Variants in RDX observed in about 807,000 individuals in gnomAD.
The protein encoded by RDX is deafness, autosomal recessive 24.
A neutral mutation model predicts 83.7 loss-of-function variants in RDX; 32 were observed. The observed-to-expected ratio is 0.38, with a 90% confidence interval of 0.29 to 0.51. The LOEUF (loss-of-function observed/expected upper bound fraction) is 0.51. RDX is among the 20% of genes least tolerant of loss of function. The pLI is 0.87. For missense variants in RDX, 600 were observed against 689.9 expected, an observed-to-expected ratio of 0.87 and a Z score of 1.46; for synonymous variants, 229 against 222.7, an observed-to-expected ratio of 1.03 and a Z score of -0.25.
chr11:110,227,051 T>C (rs1257319356), downstream of RDX, among the ~76,000 whole-genome samples: 2 of 152,094 alleles, frequency 1.3e-5, no homozygotes, highest in African/African-American at 4.8e-5. Context: ...AGAATTCAAA[T>C]GCTAGACTTG....
Position 110,233,453 on chromosome 11 carries a change from T to A in RDX, c.1371A>T (p.Glu457Asp). The A allele has an allele frequency of 6.2e-7, 1 of 1,614,136 alleles. No individual in the cohort carries two copies. The highest frequency in any genetic ancestry group is 8.5e-7 in the Non-Finnish European group (1 of 1,180,020). Reference protein sequence around the residue: ...HKAFAAQEDLEKTKEELKTVM... With the variant: ...HKAFAAQEDLDKTKEELKTVM... ...CAGTTTTTAACTCTTCTTTGGTCTT[T>A]TCCAAGTCTTCCTGGGCTGCAAAAG... Residue 457 changes from glutamate to aspartate, a missense_variant, in exon 13 of 14, where the codon GAA becomes GAT. Transcript: ENST00000645495.
chr11:110,262,530 G>A (rs1301397089), intron 5 of RDX, among the ~76,000 whole-genome samples: 1 of 151,758 alleles, frequency 6.6e-6, no homozygotes, highest in Non-Finnish European at 1.5e-5. Context: ...GGAGGTTGCA[G>A]TGAGCCGAGA....
intron 14 of RDX, among the ~76,000 whole-genome samples, chr11:110,216,187 G>A (rs1181816023): frequency 1.3e-5 from 2 of 151,984 alleles, no homozygotes. Context: ...ACTCTCCTCC[G>A]GGGTCACCTG....
chr11:110,289,903 G>T (rs1861147696), intron 1 of RDX, among the ~76,000 whole-genome samples: 1 of 129,472 alleles, frequency 7.7e-6, no homozygotes, highest in East Asian at 2.5e-4. Context: ...AGGCTGCAAT[G>T]AGCTGAGATC....
intron 2 of RDX, among the ~76,000 whole-genome samples, chr11:110,276,285 T>C (rs1387924555): frequency 1.3e-5 from 2 of 152,222 alleles, no homozygotes; most frequent in African/African-American, 4.8e-5. Context: ...ATTAGTTCAT[T>C]TATTCTCCAA....
At chr11:110,246,269 C>T (rs1565312659) in intron 10 of RDX, among the ~76,000 whole-genome samples, 4 of 152,188 alleles carry the variant, frequency 2.6e-5, no homozygotes, top group Admixed American at 6.5e-5. Context: ...AATCAGCTTG[C>T]GCATTTATAG....
intron 15 of RDX, among the ~76,000 whole-genome samples, chr11:110,177,164 GAGA>G (rs1054056822): frequency 3.3e-5 from 5 of 152,252 alleles, no homozygotes; most frequent in Admixed American, 2.0e-4. Flanking sequence ...GATGCTCATG[GAGA>G]AGAATTTCCC....
chr11:110,187,241 C>T (rs73553552), intron 15 of RDX, among the ~76,000 whole-genome samples: 6,350 of 152,254 alleles, frequency 0.042, 455 homozygotes, highest in African/African-American at 0.15. Flanking sequence ...TCCAGTCTTC[C>T]TGAGTGAGTC....
intron 15 of RDX, among the ~76,000 whole-genome samples, chr11:110,189,243 T>TAAAAAAAAAAAAAAAAAAAAAAAAAA (rs35450797): frequency 4.5e-4 from 16 of 35,596 alleles, no homozygotes; most frequent in Non-Finnish European, 6.3e-4. Flanking sequence ...GAACAACAGG[T>TAAAAAAAAAAAAAAAAAAAAAAAAAA]AAAAAAAAAA....
At chr11:110,208,870 C>G (rs1298384423) in intron 14 of RDX, among the ~76,000 whole-genome samples, 2 of 152,156 alleles carry the variant, frequency 1.3e-5, no homozygotes, top group African/African-American at 4.8e-5. Flanking sequence ...GCAGAAGAAT[C>G]ATTTGAACCC....
At chr11:110,287,320 C>G (rs1362545343) in intron 1 of RDX, 1 of 152,124 alleles carries the variant, frequency 6.6e-6, no homozygotes, top group African/African-American at 2.4e-5. Flanking sequence ...CCAGCCTGGG[C>G]AACAGAGTGA....
At chr11:110,199,059 C>A (rs866348429) in intron 15 of RDX, among the ~76,000 whole-genome samples, 2 of 152,270 alleles carry the variant, frequency 1.3e-5, no homozygotes, top group South Asian at 4.1e-4. Flanking sequence ...AGGTGATCCA[C>A]CTGCCTCCAC....
chr11:110,225,338 T>C (rs1864395821), downstream of RDX, among the ~76,000 whole-genome samples: 2 of 152,192 alleles, frequency 1.3e-5, no homozygotes, highest in African/African-American at 4.8e-5. Context: ...TTGGAACTCA[T>C]ATCCGAAAAG....
chr11:110,264,234 C>T lies in RDX; in HGVS notation c.193G>A (p.Val65Ile), dbSNP rs1171957975. 5.0e-6 allele frequency: 8 copies of T among 1,594,186 alleles called. No homozygotes were observed. Among genetic ancestry groups the T allele is most frequent in the African/African-American group, 1.4e-5 (1 of 73,874 alleles). Residue 65 changes from valine (V) to isoleucine (I), a missense_variant and splice_region_variant, in exon 5 of 14, where the codon GTA (valine) becomes ATA (isoleucine). Physicochemically the swap from Val to Ile is conservative, Grantham distance 29 (BLOSUM62 3). Coordinates refer to ENST00000645495, the MANE Select transcript of RDX (RefSeq NM_002906.4). Reference protein sequence around the residue: ...YSTWLKLNKKVTQQDVKKENP... With the variant: ...YSTWLKLNKKITQQDVKKENP... Reference sequence around the variant, plus strand: ...TCTTTTTTAACATCCTGCTGTGTTACCTGGAAAAATAATTTCAAGTATAAT... The same window carrying T: ...TCTTTTTTAACATCCTGCTGTGTTATCTGGAAAAATAATTTCAAGTATAAT...
intron 1 of RDX, among the ~76,000 whole-genome samples, chr11:110,283,811 CAG>C (rs578115110): frequency 6.6e-6 from 1 of 151,468 alleles, no homozygotes; most frequent in South Asian, 2.1e-4. Flanking sequence ...ATAATAAAAA[CAG>C]ATAAATATAT....
chr11:110,233,532 A>C (rs1195758942), intron 12 of RDX, 53 bp from the exon 13 acceptor site: 5 of 1,591,446 alleles, frequency 3.1e-6, no homozygotes, highest in South Asian at 2.2e-5. Context: ...TTAATAATCA[A>C]AACAATCAAG....
At chr11:110,218,341 C>T (rs1362250122) in intron 14 of RDX, among the ~76,000 whole-genome samples, 1 of 152,222 alleles carries the variant, frequency 6.6e-6, no homozygotes, top group African/African-American at 2.4e-5. Context: ...AACCAGTTTA[C>T]ATTTTAAACA....
intron 14 of RDX, among the ~76,000 whole-genome samples, chr11:110,217,489 C>T (rs1208562816): frequency 2.0e-5 from 3 of 152,226 alleles, no homozygotes; most frequent in East Asian, 3.9e-4. Context: ...TCCTTAGCAG[C>T]TCCAGAACGT....
chr11:110,202,366 C>T (rs538033410), intron 14 of RDX, among the ~76,000 whole-genome samples: 4 of 152,008 alleles, frequency 2.6e-5, no homozygotes, highest in East Asian at 3.9e-4. Context: ...CACATTCCAG[C>T]CTGGGCAAGA....
Sources: allele counts gnomAD v4.1 joint callset (sites outside exome capture counted in the v4.1 genomes callset), GRCh38; gene constraint gnomAD v4.1.1; transcripts MANE v1.5; gene names NCBI Gene and HGNC (gene_info 2026-07-23, HGNC 2026-07-21).